The following MGMT variants were observed in gnomAD, a reference collection of about 807,000 sequenced individuals.
MGMT encodes the protein O-6-methylguanine-DNA methyltransferase.
Under a neutral mutation model 15.9 loss-of-function variants are expected in MGMT, and 14 were observed. That is an observed-to-expected ratio of 0.88 (90% confidence interval 0.58 to 1.37). The LOEUF (loss-of-function observed/expected upper bound fraction) is 1.37, where lower values mean the gene tolerates loss of function less well. MGMT is among the 40% of genes most tolerant of loss of function. The pLI is 0.00. For missense variants in MGMT, 282 were observed against 268.1 expected (o/e 1.05, Z -0.36); for synonymous variants, 130 against 118.2 (o/e 1.10, Z -0.65).
At chr10:129,707,635 C>T (rs143396108) in intron 2 of MGMT, among the ~76,000 whole-genome samples, 66 of 152,314 alleles carry the variant, frequency 4.3e-4, no homozygotes, top group African/African-American at 1.6e-3. Context: ...CAAAGGGACA[C>T]TGTCACTTGG....
intron 2 of MGMT, among the ~76,000 whole-genome samples, chr10:129,603,504 C>CT (rs1846849746): frequency 6.6e-6 from 1 of 152,118 alleles, no homozygotes; most frequent in Non-Finnish European, 1.5e-5. Flanking sequence ...ACATTGCTGT[C>CT]TTTTTTATTT....
chr10:129,747,026 CAACA>C (rs1848702884), intron 3 of MGMT, among the ~76,000 whole-genome samples: 1 of 152,044 alleles, frequency 6.6e-6, no homozygotes, highest in Admixed American at 6.6e-5. Flanking sequence ...TTGTAATTTC[CAACA>C]AACAGAGCCT....
chr10:129,627,845 T>G (rs773470879), intron 2 of MGMT, among the ~76,000 whole-genome samples: 14 of 152,224 alleles, frequency 9.2e-5, no homozygotes, highest in Non-Finnish European at 1.9e-4. Flanking sequence ...TGAGTGTGAT[T>G]GTGGGCCAGG....
chr10:129,650,196 C>T (rs1489261904), intron 2 of MGMT, among the ~76,000 whole-genome samples: 1 of 152,176 alleles, frequency 6.6e-6, no homozygotes, highest in African/African-American at 2.4e-5. Flanking sequence ...GTTTTGAGAC[C>T]ACCAGTGGGT....
At chr10:129,751,947 T>C in intron 3 of MGMT, among the ~76,000 whole-genome samples, 1 of 151,970 alleles carries the variant, frequency 6.6e-6, no homozygotes, top group African/African-American at 2.4e-5. Flanking sequence ...TTGTCAATGT[T>C]TTATGCACAC....
chr10:129,593,803 G>A (rs568010287), intron 2 of MGMT, among the ~76,000 whole-genome samples: 1 of 152,316 alleles, frequency 6.6e-6, no homozygotes, highest in East Asian at 1.9e-4. Flanking sequence ...AAGGTAGTGG[G>A]GAGGCCTGGA....
chr10:129,684,616 G>T (rs1249823823), intron 2 of MGMT, among the ~76,000 whole-genome samples: 1 of 152,190 alleles, frequency 6.6e-6, no homozygotes, highest in African/African-American at 2.4e-5. Flanking sequence ...CAACAGCATT[G>T]AAAGGAAAAA....
chr10:129,548,587 A>C (rs1467061955), intron 2 of MGMT, among the ~76,000 whole-genome samples: 1 of 152,216 alleles, frequency 6.6e-6, no homozygotes, highest in African/African-American at 2.4e-5. Flanking sequence ...TATTGAAAAT[A>C]ATATTTTGAG....
In MGMT at chr10:129,759,346, G is replaced by A. The variant is rs200100227; in HGVS notation, c.414+5G>A. The stretch of plus-strand genomic sequence containing the variant: ...GGAGCAATGAGAGGCAATCCTGTGA[G>A]TTCTCATGGCGCAAGCATGGCTGTG... On this transcript the variant is annotated splice_donor_5th_base_variant and intron_variant, in intron 4 of 4. Coordinates refer to ENST00000651593, the MANE Select transcript of MGMT (RefSeq NM_002412.5). 6.7e-5 allele frequency: 108 copies of A among 1,614,174 alleles called. No individual in the cohort carries two copies. The highest frequency in any genetic ancestry group is 8.6e-5 in the Non-Finnish European group (102 of 1,180,018).
chr10:129,493,646 T>A (rs931537736), intron 1 of MGMT, among the ~76,000 whole-genome samples: 3 of 152,222 alleles, frequency 2.0e-5, no homozygotes, highest in African/African-American at 7.2e-5. Context: ...CATCCCAATA[T>A]GGATTCCATC....
intron 2 of MGMT, among the ~76,000 whole-genome samples, chr10:129,600,892 A>C (rs1441985001): frequency 6.6e-6 from 1 of 152,214 alleles, no homozygotes; most frequent in Non-Finnish European, 1.5e-5. Flanking sequence ...AGGTTTAGCT[A>C]TCCAGAGAAA....
chr10:129,684,187 G>A (rs918887713), intron 2 of MGMT, among the ~76,000 whole-genome samples: 5 of 152,246 alleles, frequency 3.3e-5, no homozygotes, highest in African/African-American at 9.6e-5. Flanking sequence ...ATGAGCAAGT[G>A]TACTTGCAAA....
chr10:129,517,616 G>A (rs1845752982), intron 1 of MGMT, among the ~76,000 whole-genome samples: 1 of 152,218 alleles, frequency 6.6e-6, no homozygotes, highest in Non-Finnish European at 1.5e-5. Context: ...TGTCTCATGA[G>A]GCCGTATGTC....
chr10:129,688,962 T>C (rs1424084859), intron 2 of MGMT, among the ~76,000 whole-genome samples: 2 of 152,088 alleles, frequency 1.3e-5, no homozygotes, highest in Non-Finnish European at 2.9e-5. Flanking sequence ...CTTTTCTATC[T>C]TTTGTTTGTT....
intron 2 of MGMT, among the ~76,000 whole-genome samples, chr10:129,622,643 A>G (rs1847103146): frequency 6.6e-6 from 1 of 152,240 alleles, no homozygotes; most frequent in Non-Finnish European, 1.5e-5. Flanking sequence ...ATAACATTAC[A>G]TGGCTTTCTT....
At position 129,637,632 on chromosome 10, in the gene MGMT, C is replaced by A. The variant is rs542948849; in HGVS notation, c.126-70263C>A. Among the ~76,000 whole-genome samples the A allele has an allele frequency of 1.2e-4, 19 of 152,228 alleles. No individual in the cohort carries two copies. The South Asian group carries it at 4.0e-3, about 32-fold the overall frequency. On this transcript the variant is annotated intron_variant, in intron 2 of 4. Coordinates refer to ENST00000651593, the MANE Select transcript of MGMT (RefSeq NM_002412.5). ...AGCCCTAGCCCTCAGTACGTCGGAG[C>A]GTGACTGTATTTGGAGATGGGGCCT...
intron 2 of MGMT, among the ~76,000 whole-genome samples, chr10:129,695,596 A>C (rs1229559624): frequency 6.6e-6 from 1 of 152,244 alleles, no homozygotes; most frequent in African/African-American, 2.4e-5. Flanking sequence ...TCTGAATTGC[A>C]TGATGACAGA....
chr10:129,515,112 A>AG lies in MGMT; in HGVS notation c.-12-21126dup, dbSNP rs568868882. ...CCTGCAGTGGCTGGGGGCAGGAAGG[A>AG]GGGCACAGTTCAGGGGATTGAGAGA... On this transcript the variant is annotated intron_variant, in intron 1 of 4. Transcript: ENST00000651593. Among the ~76,000 whole-genome samples, 100 of 152,312 alleles carry AG rather than the reference A, an allele frequency of 6.6e-4. 1 individual carries two copies. Among genetic ancestry groups the AG allele is most frequent in the African/African-American group, 2.3e-3 (94 of 41,570 alleles).
At chr10:129,661,901 A>G (rs1847602443) in intron 2 of MGMT, among the ~76,000 whole-genome samples, 6 of 152,170 alleles carry the variant, frequency 3.9e-5, no homozygotes, top group Admixed American at 3.9e-4. Flanking sequence ...TGGTTTTGCT[A>G]CACCCTTTCC....
Sources: gnomAD v4.1 joint callset for allele counts (sites outside exome capture counted in the v4.1 genomes callset) on GRCh38, gnomAD v4.1.1 for gene constraint, MANE v1.5 for transcripts, NCBI Gene and HGNC (gene_info 2026-07-23, HGNC 2026-07-21) for gene names.